RPAP2: variants seen among roughly 807,000 people sequenced by gnomAD.
The protein encoded by RPAP2 is RNA polymerase II associated protein 2, also known as putative RNA polymerase II subunit B1 CTD phosphatase RPAP2.
Under a neutral mutation model 73.1 loss-of-function variants are expected in RPAP2, and 52 were observed. That is an observed-to-expected ratio of 0.71 (90% CI 0.57 to 0.90). The LOEUF is 0.90. RPAP2 is among the 40% of genes least tolerant of loss of function. The pLI, the probability that RPAP2 is intolerant of heterozygous loss-of-function variation, is 0.00. For synonymous variants in RPAP2, 225 were observed against 242.1 expected (o/e 0.93, Z 0.65); for missense variants, 598 against 701.8 (o/e 0.85, Z 1.67).
chr1:92,299,202 G>C, intron 1 of RPAP2, 56 bp downstream of exon 1: 2 of 1,159,652 alleles, frequency 1.7e-6, no homozygotes, highest in Non-Finnish European at 2.4e-6. Flanking sequence ...CCCCGATCTC[G>C]AGTTATAGAC....
At position 92,333,146 on chromosome 1, in the gene RPAP2, G is replaced by T. The variant is rs535149379; in HGVS notation, c.1456-245G>T. 25 of 434,776 alleles carry T rather than the reference G, an allele frequency of 5.8e-5. No homozygotes were observed. The Admixed American group carries it at 9.3e-4, about 16-fold the overall frequency. The allele number at this position is 434,776 out of a possible 1,614,324, so 26.9% of individuals were successfully genotyped here. A position where few individuals can be genotyped will look rare whatever the true frequency, so the allele number is the denominator to read the frequency against. On this transcript the variant is annotated intron_variant, in intron 8 of 12. Coordinates refer to ENST00000610020, the MANE Select transcript of RPAP2 (RefSeq NM_024813.3). ...TACATTTTATTATTTAATAAAGGAG[G>T]TATTAATATCCCAATTATAAAGATG...
At chr1:92,330,288 A>G (rs1652883436) in intron 8 of RPAP2, among the ~76,000 whole-genome samples, 1 of 152,178 alleles carries the variant, frequency 6.6e-6, no homozygotes, top group Non-Finnish European at 1.5e-5. Context: ...TATCGTTATC[A>G]GGTTTTGGTT....
chr1:92,333,270 A>T, intron 8 of RPAP2, 121 bp from the exon 9 acceptor site: 1 of 698,704 alleles, frequency 1.4e-6, no homozygotes, highest in East Asian at 2.7e-5. Context: ...TCTCAAGTCT[A>T]GTTATTTTCC....
At chr1:92,301,381 GGCAAAAT>G in intron 2 of RPAP2, 88 bp from the exon 3 acceptor site, 1 of 482,678 alleles carries the variant, frequency 2.1e-6, no homozygotes, top group Non-Finnish European at 3.6e-6. Context: ...AAATTTAAGT[GGCAAAAT>G]AGTGAGTTAG....
chr1:92,322,845 C>T (rs890604260), intron 7 of RPAP2, among the ~76,000 whole-genome samples: 2 of 56,288 alleles, frequency 3.6e-5, no homozygotes, highest in Admixed American at 2.5e-4. Flanking sequence ...CCATTGCACT[C>T]CAGCCTGGGC....
intron 11 of RPAP2, among the ~76,000 whole-genome samples, chr1:92,375,843 C>CAAAA (rs1655365997): frequency 2.0e-5 from 3 of 146,962 alleles, no homozygotes; most frequent in African/African-American, 7.7e-5. Flanking sequence ...AACAAACAAA[C>CAAAA]AAAAAATTTA....
rs772570839 is a variant in RPAP2, at chr1:92,323,881, A to G, written c.961A>G (p.Arg321Gly). The stretch of plus-strand genomic sequence containing the variant: ...AGAAAATTCTGAAAGTGAATACAGT[A>G]GGTCAGAAATAACTCTAGTAGGCAT... The part of the protein sequence containing the change: ...ASENSESEYS[R>G]SEITLVGISK... Residue 321 changes from arginine to glycine, a missense_variant, in exon 8 of 13, where the codon AGG (arginine) becomes GGG (glycine). This residue lies in a region of RPAP2 where 506 missense variants were observed against 612.8 expected (regional missense o/e 0.83). Transcript: ENST00000610020. 81 of 1,614,124 alleles carry G rather than the reference A, an allele frequency of 5.0e-5. No homozygotes were observed. Among genetic ancestry groups the G allele is most frequent in the Non-Finnish European group, 6.9e-5 (81 of 1,179,976 alleles).
chr1:92,319,090 G>A (rs1206941459), intron 6 of RPAP2, among the ~76,000 whole-genome samples: 1 of 152,148 alleles, frequency 6.6e-6, no homozygotes, highest in African/African-American at 2.4e-5. Context: ...ACCCCAGAGT[G>A]GAGATTCAAG....
Position 92,300,179 on chromosome 1 carries a change from G to A in RPAP2, c.74-15G>A, listed in dbSNP as rs1650713427. On this transcript the variant is annotated splice_polypyrimidine_tract_variant and intron_variant, in intron 1 of 12. Transcript: ENST00000610020. ...AAATGTCATTATGTAGCACATGACT[G>A]TATTTTTATTGTAGGTACTAAACAG... 1.9e-6 allele frequency: 3 copies of A among 1,590,964 alleles called. No individual in the cohort carries two copies. The highest frequency in any genetic ancestry group is 1.4e-5 in the African/African-American group (1 of 74,034).
chr1:92,355,752 T>C (rs2101361507), intron 11 of RPAP2, among the ~76,000 whole-genome samples: 1 of 152,308 alleles, frequency 6.6e-6, no homozygotes, highest in Non-Finnish European at 1.5e-5. Context: ...ACCAACATGA[T>C]GCTCAAAGGA....
At chr1:92,361,308 C>G (rs191059892) in intron 11 of RPAP2, among the ~76,000 whole-genome samples, 1 of 152,162 alleles carries the variant, frequency 6.6e-6, no homozygotes, top group East Asian at 1.9e-4. Flanking sequence ...TCCATGCAGT[C>G]AAATACATTG....
intron 11 of RPAP2, among the ~76,000 whole-genome samples, chr1:92,372,749 A>AT (rs984158283): frequency 1.3e-5 from 2 of 152,124 alleles, no homozygotes; most frequent in Non-Finnish European, 2.9e-5. Context: ...CACTAAAAAA[A>AT]TTTTTTTAAA....
At chr1:92,366,810 G>A (rs1264770553) in intron 11 of RPAP2, among the ~76,000 whole-genome samples, 1 of 152,098 alleles carries the variant, frequency 6.6e-6, no homozygotes, top group Non-Finnish European at 1.5e-5. Context: ...GGTTTGTATG[G>A]AGCCCTGCAA....
At chr1:92,376,500 G>A (rs951060492) in intron 11 of RPAP2, among the ~76,000 whole-genome samples, 2 of 152,152 alleles carry the variant, frequency 1.3e-5, no homozygotes, top group Non-Finnish European at 2.9e-5. Flanking sequence ...AGGAAATCCT[G>A]TCTCCAGATG....
chr1:92,302,901 G>A (rs1387981169), intron 3 of RPAP2, among the ~76,000 whole-genome samples: 1 of 150,618 alleles, frequency 6.6e-6, no homozygotes, highest in African/African-American at 2.4e-5. Flanking sequence ...CTCTCGGCCC[G>A]CATTAATTTT....
chr1:92,309,574 TACATATACATACACATACACATAC>T (rs1216743902), intron 6 of RPAP2, among the ~76,000 whole-genome samples: 1 of 9,816 alleles, frequency 1.0e-4, no homozygotes, highest in African/African-American at 4.4e-4. Flanking sequence ...CATACACATA[TACATATACATACACATACACATAC>T]ACATACACAT....
intron 10 of RPAP2, among the ~76,000 whole-genome samples, chr1:92,339,388 G>A (rs1174998679): frequency 6.7e-6 from 1 of 149,662 alleles, no homozygotes; most frequent in East Asian, 2.0e-4. Context: ...GCATTCAAGG[G>A]ACAGGATTTT....
chr1:92,318,063 T>G (rs1652028930), intron 6 of RPAP2, among the ~76,000 whole-genome samples: 1 of 152,192 alleles, frequency 6.6e-6, no homozygotes, highest in African/African-American at 2.4e-5. Flanking sequence ...CTAGCTCTAT[T>G]CTTCTGAGTT....
At chr1:92,328,364 T>A (rs988420103) in intron 8 of RPAP2, among the ~76,000 whole-genome samples, 1 of 152,252 alleles carries the variant, frequency 6.6e-6, no homozygotes, top group African/African-American at 2.4e-5. Context: ...AATTCTTTTT[T>A]CTTTGTTGGA....
Sources: gnomAD v4.1 joint callset for allele counts (sites outside exome capture counted in the v4.1 genomes callset) on GRCh38, gnomAD v4.1.1 for gene constraint, gnomAD v4.1.1 regional missense constraint, MANE v1.5 for transcripts, NCBI Gene and HGNC (gene_info 2026-07-23, HGNC 2026-07-21) for gene names.